CEP170B: variants seen among roughly 807,000 people sequenced by gnomAD.
CEP170B encodes centrosomal protein 170B, also known as centrosomal protein of 170 kDa protein B.
CEP170B carries 55 observed loss-of-function variants against 120.6 expected under a neutral mutation model. The ratio of observed to expected loss-of-function variants is 0.46; its 90% CI spans 0.37 to 0.57. The LOEUF (loss-of-function observed/expected upper bound fraction) is 0.57, where lower values mean the gene tolerates loss of function less well. CEP170B is among the 20% of genes least tolerant of loss of function. The pLI, the probability that CEP170B is intolerant of heterozygous loss-of-function variation, is 0.00. For missense variants in CEP170B, 2,212 were observed against 2,253.3 expected (o/e 0.98, Z 0.37); for synonymous variants, 1,033 against 954.5 (o/e 1.08, Z -1.52).
chr14:104,866,775 C>T (rs1476968197), intron 1 of CEP170B, among the ~76,000 whole-genome samples: 6 of 152,152 alleles, frequency 3.9e-5, no homozygotes, highest in African/African-American at 7.2e-5. Context: ...AGACCTTGGG[C>T]GTGGGCACTG....
intron 5 of CEP170B, among the ~76,000 whole-genome samples, chr14:104,879,883 A>C (rs1896054760): frequency 6.6e-6 from 1 of 152,116 alleles, no homozygotes; most frequent in East Asian, 1.9e-4. Flanking sequence ...CTTTGGGGCC[A>C]GGGCGCTTAG....
chr14:104,893,712 G>T (rs1232525242), intron 15 of CEP170B, 46 bp downstream of exon 15: 32 of 1,586,608 alleles, frequency 2.0e-5, no homozygotes, highest in Non-Finnish European at 2.6e-5. Flanking sequence ...GGGGGAGCAG[G>T]GGCGGGGCTC....
intron 6 of CEP170B, 78 bp downstream of exon 6, chr14:104,880,503 C>G: frequency 6.4e-7 from 1 of 1,555,204 alleles, no homozygotes; most frequent in Non-Finnish European, 8.7e-7. Context: ...CCTCTCTGCA[C>G]CCCTTAACCC....
chr14:104,880,176 C>G, intron 5 of CEP170B, 111 bp from the exon 6 acceptor site: 1 of 1,410,986 alleles, frequency 7.1e-7, no homozygotes, highest in Non-Finnish European at 9.6e-7. Flanking sequence ...GAGCTTGTGA[C>G]ATGCAAAGTC....
intron 8 of CEP170B, 95 bp from the exon 9 acceptor site, chr14:104,883,736 A>T (rs753254964): frequency 1.6e-6 from 2 of 1,283,630 alleles, no homozygotes; most frequent in Non-Finnish European, 2.1e-6. Flanking sequence ...GTGCTTTGTC[A>T]ACTCAGCTAA....
At chr14:104,872,662 C>T (rs1895637020) in intron 2 of CEP170B, among the ~76,000 whole-genome samples, 1 of 152,114 alleles carries the variant, frequency 6.6e-6, no homozygotes, top group Non-Finnish European at 1.5e-5. Flanking sequence ...GAGACCACAG[C>T]CTGGGCAGGC....
chr14:104,889,374 G>T lies in CEP170B; in HGVS notation c.3740-246G>T, dbSNP rs546932692. 27 of 869,350 alleles carry T rather than the reference G, an allele frequency of 3.1e-5. No homozygotes were observed. The South Asian group carries it at 5.2e-4, about 17-fold the overall frequency. The allele number at this position is 869,350 out of a possible 1,614,324, so 53.9% of individuals were successfully genotyped here. A position where few individuals can be genotyped will look rare whatever the true frequency, so the allele number is the denominator to read the frequency against. On this transcript the variant is annotated intron_variant, in intron 12 of 18. Transcript: ENST00000414716. ...GCAGCTGTTGATGTTTCAATGAAGGGCTACTGGGTGGGGGCACCAGCCTCG... is the reference window on the plus strand; with the variant it reads ...GCAGCTGTTGATGTTTCAATGAAGGTCTACTGGGTGGGGGCACCAGCCTCG...
Position 104,879,102 on chromosome 14 carries a change from G to A in CEP170B, c.333+601G>A, listed in dbSNP as rs184028694. Reference sequence around the variant, plus strand: ...GTTAAGTAGCTTTGGGGTCTCATAAGGGGCTTTAGATTCTCTGACATTACA... The same window carrying A: ...GTTAAGTAGCTTTGGGGTCTCATAAAGGGCTTTAGATTCTCTGACATTACA... On this transcript the variant is annotated intron_variant, in intron 5 of 18. Coordinates refer to ENST00000414716, the MANE Select transcript of CEP170B (RefSeq NM_001112726.3). 1.4e-3 allele frequency among the ~76,000 whole-genome samples: 206 copies of A among 152,272 alleles called. 3 individuals are homozygous for A. The highest frequency in any genetic ancestry group is 6.8e-3 in the Middle Eastern group (2 of 294).
chr14:104,886,716 C>T lies in CEP170B; in HGVS notation c.2477C>T (p.Ala826Val). 6.3e-7 allele frequency: 1 copy of T among 1,598,008 alleles called. No individual in the cohort carries two copies. The highest frequency in any genetic ancestry group is 8.5e-7 in the Non-Finnish European group (1 of 1,171,504). The stretch of plus-strand genomic sequence containing the variant: ...GATGGGGAGGGCCTAGGGCAGACAG[C>T]CCAGCCCAGCCCCCCAGCACGGGAT... ...PGDGEGLGQT[A>V]QPSPPARDGV... The change falls in exon 12 of 19, where the codon GCC becomes GTC. Residue 826 changes from alanine (A) to valine (V), a missense_variant. By Grantham distance (64) the Ala-to-Val change is moderately conservative. Coordinates refer to ENST00000414716, the MANE Select transcript of CEP170B (RefSeq NM_001112726.3).
At chr14:104,878,016 C>T (rs1895955136) in intron 4 of CEP170B, 53 bp downstream of exon 4, 14 of 1,369,974 alleles carry the variant, frequency 1.0e-5, no homozygotes, top group Non-Finnish European at 1.3e-5. Context: ...GTCCCCAGGA[C>T]CACAGTCACC....
At position 104,877,467 on chromosome 14, in the gene CEP170B, G is replaced by A. The variant is rs540446921; in HGVS notation, c.196-418G>A. On this transcript the variant is annotated intron_variant, in intron 3 of 18. Coordinates refer to ENST00000414716, the MANE Select transcript of CEP170B (RefSeq NM_001112726.3). ...GGAGGGGGGTATCAGACCCTCTGAGGCCTGACCCTTGGCCAAGGGCCACCA... is the reference window on the plus strand; with the variant it reads ...GGAGGGGGGTATCAGACCCTCTGAGACCTGACCCTTGGCCAAGGGCCACCA... Among the ~76,000 whole-genome samples, 862 of 152,314 alleles carry A rather than the reference G, an allele frequency of 5.7e-3. 3 individuals are homozygous for A. Among genetic ancestry groups the A allele is most frequent in the Non-Finnish European group, 9.3e-3 (633 of 68,010 alleles).
At chr14:104,893,359 C>G (rs557004408) in intron 14 of CEP170B, among the ~76,000 whole-genome samples, 164 bp from the exon 15 acceptor site, 1 of 152,374 alleles carries the variant, frequency 6.6e-6, no homozygotes, top group Admixed American at 6.5e-5. Context: ...GCCGTCATCC[C>G]CAGCCCAGCT....
At position 104,886,586 on chromosome 14, in the gene CEP170B, C is replaced by T. The variant is rs755440595; in HGVS notation, c.2347C>T (p.Arg783Trp). 1.1e-5 allele frequency: 17 copies of T among 1,514,346 alleles called. No homozygotes were observed. Among genetic ancestry groups the T allele is most frequent in the Middle Eastern group, 1.8e-4 (1 of 5,622 alleles). 93.8% of individuals were successfully genotyped at this position (1,514,346 alleles called of 1,614,324 possible). ...PQEGPTWSRG[R>W]RSPRAPGEPT... is the part of the protein sequence containing the mutation. ...GGAGGGGCCCACGTGGAGCAGGGGT[C>T]GGCGCTCACCAAGGGCCCCCGGGGA... Residue 783 changes from arginine (R) to tryptophan (W), a missense_variant, in exon 12 of 19, where the codon CGG (arginine) becomes TGG (tryptophan). Coordinates refer to ENST00000414716, the MANE Select transcript of CEP170B (RefSeq NM_001112726.3).
rs1210266137 is a variant in CEP170B at position 104,886,580 on chromosome 14, A to T, written c.2341A>T (p.Arg781Trp). The change falls in exon 12 of 19, where the codon AGG becomes TGG. Residue 781 changes from arginine to tryptophan, a missense_variant. Physicochemically the swap from Arg to Trp is moderately radical, Grantham distance 101. Coordinates refer to ENST00000414716, the MANE Select transcript of CEP170B (RefSeq NM_001112726.3). ...CCCCCAGGAGGGGCCCACGTGGAGC[A>T]GGGGTCGGCGCTCACCAAGGGCCCC... ...RSPQEGPTWS[R>W]GRRSPRAPGE... 4.0e-6 allele frequency: 6 copies of T among 1,513,750 alleles called. No individual in the cohort carries two copies. The East Asian group carries it at 1.4e-4, about 34-fold the overall frequency. The allele number at this position is 1,513,750 out of a possible 1,614,324, so 93.8% of individuals were successfully genotyped here.
intron 16 of CEP170B, 29 bp from the exon 17 acceptor site, chr14:104,894,256 C>G (rs45559332): frequency 1.3e-6 from 2 of 1,524,380 alleles, no homozygotes; most frequent in Non-Finnish European, 1.8e-6. Context: ...CCTTGTCCCC[C>G]CATTTCTGCC....
In CEP170B at chr14:104,886,042, C is replaced by T. The variant is rs1051055568; in HGVS notation, c.1947C>T (p.Gly649=). The change falls in exon 11 of 19, where the codon GGC becomes GGT. Residue 649 remains glycine, a splice_region_variant and synonymous_variant. Coordinates refer to ENST00000414716, the MANE Select transcript of CEP170B (RefSeq NM_001112726.3). ...CACTCCCACCCTCCTCTCCACAGGG[C>T]CTCCCGGTGCCGGGCTCCCCTGGGG... ...LGAAPQAEHQ[G]LPVPGSPGGQ... 4.6e-6 allele frequency: 7 copies of T among 1,535,248 alleles called. 1 individual carries two copies. The Middle Eastern group carries it at 8.4e-4, about 185-fold the overall frequency.
At chr14:104,865,207 GCGGGGCGGGCGGGGGCGTGCC>G (rs1220689056), upstream of CEP170B, 1 of 144,228 alleles carries the variant, frequency 6.9e-6, no homozygotes, top group Non-Finnish European at 1.5e-5. The surrounding 1 kb of genome is among the most constrained non-coding windows in gnomAD (Gnocchi z 6.7). Flanking sequence ...CCGGGCGGGG[GCGGGGCGGGCGGGGGCGTGCC>G]CGGGGCGGGG....
At chr14:104,885,974 C>T in intron 10 of CEP170B, 66 bp from the exon 11 acceptor site, 1 of 1,407,026 alleles carries the variant, frequency 7.1e-7, no homozygotes, top group Non-Finnish European at 9.5e-7. Context: ...CCTCCTGTTC[C>T]CTGGCACCCC....
At chr14:104,865,172 C>T (rs1373116099), upstream of CEP170B, 3 of 64,768 alleles carry the variant, frequency 4.6e-5, no homozygotes, top group East Asian at 9.5e-4. This position sits in a 1 kb window ranked among gnomAD's most constrained non-coding sequence, Gnocchi z 6.7. Context: ...TGGTTTCCGG[C>T]GGGGCGGCGC....
Sources: gnomAD v4.1 joint callset for allele counts (sites outside exome capture counted in the v4.1 genomes callset) on GRCh38, gnomAD v4.1.1 for gene constraint, Gnocchi (gnomAD v3.1) non-coding constraint, MANE v1.5 for transcripts, NCBI Gene and HGNC (gene_info 2026-07-23, HGNC 2026-07-21) for gene names.